HTR3B: variants seen among roughly 807,000 people sequenced by gnomAD.
HTR3B encodes the protein 5-hydroxytryptamine (serotonin) receptor 3B, ionotropic.
Under a neutral mutation model 42.8 loss-of-function variants are expected in HTR3B, and 44 were observed. The ratio of observed to expected loss-of-function variants is 1.03; its 90% CI spans 0.81 to 1.32. The LOEUF (loss-of-function observed/expected upper bound fraction) is 1.32, where lower values mean the gene tolerates loss of function less well. Among genes scored for constraint, HTR3B ranks in the 40% most tolerant of loss-of-function variants. HTR3B has a pLI of 0.00. For missense variants in HTR3B, 527 were observed against 536.5 expected (o/e 0.98, Z 0.17); for synonymous variants, 203 against 209.0 (o/e 0.97, Z 0.25).
intron 2 of HTR3B, among the ~76,000 whole-genome samples, chr11:113,927,632 A>G (rs1949988756): frequency 1.3e-5 from 2 of 150,604 alleles, no homozygotes; most frequent in African/African-American, 4.9e-5. Flanking sequence ...GCTCAATCTT[A>G]GCTCACTACA....
chr11:113,908,492 G>T (rs1391549999), intron 1 of HTR3B, among the ~76,000 whole-genome samples: 1 of 152,190 alleles, frequency 6.6e-6, no homozygotes, highest in African/African-American at 2.4e-5. Context: ...TCCCCTAAGG[G>T]CTGGCAAAGC....
At chr11:113,916,832 GT>G (rs1297824529) in intron 2 of HTR3B, among the ~76,000 whole-genome samples, 25 of 152,146 alleles carry the variant, frequency 1.6e-4, no homozygotes, top group Admixed American at 1.5e-3. Flanking sequence ...CTAGTTGTCT[GT>G]TGCTAGCATA....
intron 2 of HTR3B, among the ~76,000 whole-genome samples, chr11:113,930,926 G>A (rs1591581111): frequency 6.6e-6 from 1 of 152,118 alleles, no homozygotes; most frequent in East Asian, 1.9e-4. Flanking sequence ...TGTTTTATAA[G>A]CAGAGAAATC....
chr11:113,934,773 A>T lies in HTR3B; in HGVS notation c.696+1680A>T, dbSNP rs7940171. Among the ~76,000 whole-genome samples, 919 of 103,708 alleles carry T rather than the reference A, an allele frequency of 8.9e-3. 1 individual carries two copies. The highest frequency in any genetic ancestry group is 0.014 in the Non-Finnish European group (642 of 46,954). 68.0% of individuals were successfully genotyped at this position (103,708 alleles called of 152,430 possible). A position where few individuals can be genotyped will look rare whatever the true frequency, so the allele number is the denominator to read the frequency against. ...AAGCAAGCAAGCTTTTTTTTTTTTT[A>T]AATTTCAATGAGTTTCTTGGCTAGG... On this transcript the variant is annotated intron_variant, in intron 6 of 8. Coordinates refer to ENST00000260191, the MANE Select transcript of HTR3B (RefSeq NM_006028.5).
At chr11:113,936,782 G>A (rs367799662) in intron 6 of HTR3B, among the ~76,000 whole-genome samples, 6 of 152,120 alleles carry the variant, frequency 3.9e-5, no homozygotes, top group Admixed American at 2.6e-4. Flanking sequence ...TGTATGAAGC[G>A]GAGTCTAGGC....
chr11:113,946,018 G>T lies in HTR3B; in HGVS notation c.1207G>T (p.Ala403Ser), dbSNP rs1165472981. The T allele has an allele frequency of 6.2e-7, 1 of 1,613,918 alleles. No homozygotes were observed. Among genetic ancestry groups the T allele is most frequent in the Non-Finnish European group, 8.5e-7 (1 of 1,179,978 alleles). Residue 403 changes from alanine (A) to serine (S), a missense_variant, in exon 9 of 9, where the codon GCA becomes TCA. Transcript: ENST00000260191. ...QTQDQTDQQE[A>S]EWLVLLSRFD... ...TCAGGACCAGACAGACCAACAGGAG[G>T]CAGAGTGGCTGGTCCTCCTGTCCCG...
At position 113,944,605 on chromosome 11, in the gene HTR3B, G is replaced by C; in HGVS notation, c.940G>C (p.Val314Leu). The change falls in exon 8 of 9, where the codon GTT becomes CTT. Residue 314 changes from valine (V) to leucine (L), a missense_variant. Coordinates refer to ENST00000260191, the MANE Select transcript of HTR3B (RefSeq NM_006028.5). ...CTTCACCATCTGCATGGCCTTCTTG[G>C]TTCTCAGCTTAGCTAAGTCCATCGT... ...HFFTICMAFL[V>L]LSLAKSIVLV... is the part of the protein sequence containing the mutation. 1 of 1,614,170 alleles carries C rather than the reference G, an allele frequency of 6.2e-7. No individual in the cohort carries two copies. Among genetic ancestry groups the C allele is most frequent in the Middle Eastern group, 1.6e-4 (1 of 6,062 alleles).
In HTR3B at chr11:113,915,186, A is replaced by AT. The variant is rs1434443160; in HGVS notation, c.213+5738dup. On this transcript the variant is annotated intron_variant, in intron 2 of 8. Transcript: ENST00000260191. ...CAAAGAGCCAACTTTGGGCTTTGTA[A>AT]TTTTTTTGTTTGTTTGTTTTGTTTT... is the stretch of plus-strand genomic sequence containing the variant. 6.0e-5 allele frequency among the ~76,000 whole-genome samples: 9 copies of AT among 150,248 alleles called. No homozygotes were observed. In the Admixed American group the frequency reaches 6.1e-4, roughly 10 times the overall value.
In HTR3B at chr11:113,932,334, C is replaced by G; in HGVS notation, c.414C>G (p.Asn138Lys). The part of the protein sequence containing the change: ...RYPDLPYVYV[N>K]SSGTIENYKP... ...CTGACCTTCCCTATGTTTATGTGAA[C>G]TCATCTGGGACCATTGAGAACTATA... Residue 138 changes from asparagine (N) to lysine (K), a missense_variant, in exon 5 of 9, where the codon AAC becomes AAG. Physicochemically the swap from Asn to Lys is moderately conservative, Grantham distance 94. Coordinates refer to ENST00000260191, the MANE Select transcript of HTR3B (RefSeq NM_006028.5). 5.6e-6 allele frequency: 9 copies of G among 1,613,360 alleles called. No individual in the cohort carries two copies. Among genetic ancestry groups the G allele is most frequent in the Non-Finnish European group, 7.6e-6 (9 of 1,179,330 alleles).
chr11:113,931,396 C>T lies in HTR3B; in HGVS notation c.226C>T (p.Gln76Ter). 1 of 1,601,010 alleles carries T rather than the reference C, an allele frequency of 6.2e-7. No individual in the cohort carries two copies. Among genetic ancestry groups the T allele is most frequent in the Non-Finnish European group, 8.5e-7 (1 of 1,172,968 alleles). ...HAILDVDAEN[Q>*]ILKTSVWYQE... ...TTTTGCCTTGCAGGATGCAGAGAAT[C>T]AAATATTAAAGACAAGTGTATGGTA... Residue 76 changes from glutamine (Q) to a stop codon, truncating the protein, a stop_gained, in exon 3 of 9, where the codon CAA becomes TAA. Coordinates refer to ENST00000260191, the MANE Select transcript of HTR3B (RefSeq NM_006028.5). LOFTEE classifies it high-confidence loss of function.
chr11:113,932,947 G>C lies in HTR3B; in HGVS notation c.550G>C (p.Asp184His). ...TGTGTTGTTTGCAGTGGAAGACGTA[G>C]ACCTGGCCTTTCTGAGGAGCCCAGA... The part of the protein sequence containing the change: ...KSILHTVEDV[D>H]LAFLRSPEDI... The change falls in exon 6 of 9, where the codon GAC becomes CAC. Residue 184 changes from aspartate (D) to histidine (H), a missense_variant. Asp to His is a moderately conservative substitution (Grantham distance 81, BLOSUM62 -1). Transcript: ENST00000260191. 1.2e-6 allele frequency: 2 copies of C among 1,614,066 alleles called. No individual in the cohort carries two copies. Among genetic ancestry groups the C allele is most frequent in the South Asian group, 2.2e-5 (2 of 91,080 alleles).
intron 2 of HTR3B, among the ~76,000 whole-genome samples, chr11:113,924,819 A>C (rs904762098): frequency 1.3e-5 from 2 of 152,058 alleles, no homozygotes; most frequent in African/African-American, 4.8e-5. Context: ...TACTACTTTA[A>C]AACTTGCCTT....
intron 6 of HTR3B, among the ~76,000 whole-genome samples, chr11:113,941,758 A>G (rs1241712152): frequency 6.6e-6 from 1 of 152,084 alleles, no homozygotes; most frequent in Non-Finnish European, 1.5e-5. Flanking sequence ...TGGAGTCAAC[A>G]CCAGGCAGGC....
chr11:113,906,202 C>G (rs1949732374), intron 1 of HTR3B, among the ~76,000 whole-genome samples: 1 of 152,138 alleles, frequency 6.6e-6, no homozygotes, highest in African/African-American at 2.4e-5. Context: ...GCAGAAAGAC[C>G]TGCCCTGTGG....
At chr11:113,906,838 T>A (rs1374537436) in intron 1 of HTR3B, among the ~76,000 whole-genome samples, 1 of 152,200 alleles carries the variant, frequency 6.6e-6, no homozygotes, top group Non-Finnish European at 1.5e-5. Context: ...ATAAGTTTGT[T>A]GGGAACTTTG....
intron 2 of HTR3B, among the ~76,000 whole-genome samples, chr11:113,911,501 A>G (rs1949792906): frequency 6.6e-6 from 1 of 150,586 alleles, no homozygotes; most frequent in Admixed American, 6.6e-5. Context: ...AAGTGTTGGG[A>G]TTATAGGTGT....
chr11:113,944,374 G>A (rs1950160241), intron 7 of HTR3B, among the ~76,000 whole-genome samples, 199 bp from the exon 8 acceptor site: 1 of 152,142 alleles, frequency 6.6e-6, no homozygotes, highest in Admixed American at 6.5e-5. Context: ...GGTGGTGTGT[G>A]CCTGTAGTCC....
chr11:113,920,429 G>A (rs1949901704), intron 2 of HTR3B, among the ~76,000 whole-genome samples: 2 of 151,704 alleles, frequency 1.3e-5, no homozygotes, highest in Admixed American at 1.3e-4. Context: ...AGGATGTAGT[G>A]CAGTGGCATG....
rs1459850554 is a variant in HTR3B, at chr11:113,908,234, G to T, written c.53-1061G>T. Among the ~76,000 whole-genome samples the T allele has an allele frequency of 2.0e-5, 3 of 152,188 alleles. No homozygotes were observed. In the East Asian group the frequency reaches 5.8e-4, roughly 29 times the overall value. ...TAAATCATAGAAATTGCTGCCTGTA[G>T]CGGCAAGTGACATGACATCATTCAT... On this transcript the variant is annotated intron_variant, in intron 1 of 8. Coordinates refer to ENST00000260191, the MANE Select transcript of HTR3B (RefSeq NM_006028.5).
Sources: allele counts gnomAD v4.1 joint callset (sites outside exome capture counted in the v4.1 genomes callset), GRCh38; gene constraint gnomAD v4.1.1; transcripts MANE v1.5; gene names NCBI Gene and HGNC (gene_info 2026-07-23, HGNC 2026-07-21).